The following POLR2K variants were observed in gnomAD, a reference collection of about 807,000 sequenced individuals.
POLR2K encodes DNA-directed RNA polymerases I, II, and III subunit RPABC4.
In POLR2K, 9 loss-of-function variants were observed where a neutral mutation model predicts 10.1. The ratio of observed to expected loss-of-function variants is 0.89; its 90% CI spans 0.54 to 1.56. The LOEUF (loss-of-function observed/expected upper bound fraction) is 1.56, where lower values mean the gene tolerates loss of function less well. Ranked by LOEUF, POLR2K falls within the 40% of genes most tolerant of loss-of-function variation. The pLI is 0.00. For missense variants in POLR2K, 53 were observed against 71.9 expected, an observed-to-expected ratio of 0.74 and a Z score of 0.95; for synonymous variants, 19 against 20.3, an observed-to-expected ratio of 0.94 and a Z score of 0.17.
chr8:100,151,721 ATTTTAGTGTT>A (rs1814922054), intron 2 of POLR2K, 93 bp from the exon 3 acceptor site: 1 of 629,616 alleles, frequency 1.6e-6, no homozygotes, highest in African/African-American at 1.9e-5. Context: ...GATTGAGTAT[ATTTTAGTGTT>A]TTGGATTGCC....
chr8:100,151,929 C>T lies in POLR2K; in HGVS notation c.154+13C>T. On this transcript the variant is annotated intron_variant, in intron 3 of 3. Coordinates refer to ENST00000353107, the MANE Select transcript of POLR2K (RefSeq NM_005034.4). ...AGGACTAAAAGATGTATCCTTTTAACGATGCTTTCTAAATATGAGTTAGGA... is the reference window on the plus strand; with the variant it reads ...AGGACTAAAAGATGTATCCTTTTAATGATGCTTTCTAAATATGAGTTAGGA... The T allele has an allele frequency of 4.4e-6, 5 of 1,136,878 alleles. No homozygotes were observed. Among genetic ancestry groups the T allele is most frequent in the East Asian group, 2.4e-5 (1 of 42,442 alleles). The allele number at this position is 1,136,878 out of a possible 1,614,324, so 70.4% of individuals were successfully genotyped here. A position where few individuals can be genotyped will look rare whatever the true frequency, so the allele number is the denominator to read the frequency against.
At chr8:100,151,677 T>G in intron 2 of POLR2K, 147 bp from the exon 3 acceptor site, 1 of 596,876 alleles carries the variant, frequency 1.7e-6, no homozygotes, top group Non-Finnish European at 3.0e-6. Flanking sequence ...TTCTTTCCTA[T>G]TTAATATATT....
rs371159425 is a variant in POLR2K, at chr8:100,151,818, T to A, written c.62-6T>A. On this transcript the variant is annotated splice_region_variant and splice_polypyrimidine_tract_variant and intron_variant, in intron 2 of 3. Transcript: ENST00000353107. ...GCATTGAGTAAATTTTTTTTTTTAA[T>A]TCTAGAGTGTCACACAGAAAATGAA... 7.1e-7 allele frequency: 1 copy of A among 1,414,082 alleles called. No homozygotes were observed. Among genetic ancestry groups the A allele is most frequent in the South Asian group, 1.2e-5 (1 of 81,344 alleles). 87.6% of individuals were successfully genotyped at this position (1,414,082 alleles called of 1,614,324 possible).
chr8:100,151,247 T>G (rs1586360537), intron 1 of POLR2K, 100 bp from the exon 2 acceptor site: 4 of 818,080 alleles, frequency 4.9e-6, no homozygotes, highest in East Asian at 2.4e-5. Context: ...AGGAACAGAT[T>G]AGGAATTGGA....
chr8:100,150,967 A>G (rs942371075), intron 1 of POLR2K, among the ~76,000 whole-genome samples: 2 of 152,132 alleles, frequency 1.3e-5, no homozygotes, highest in Non-Finnish European at 2.9e-5. Context: ...GAGTTTGGGA[A>G]AATAGAACTT....
In POLR2K at chr8:100,153,421, A is replaced by G; in HGVS notation, c.*105A>G. 1.0e-6 allele frequency: 1 copy of G among 960,046 alleles called. No homozygotes were observed. The highest frequency in any genetic ancestry group is 1.9e-5 in the Admixed American group (1 of 51,838). The allele number at this position is 960,046 out of a possible 1,614,324, so 59.5% of individuals were successfully genotyped here. On this transcript the variant is annotated 3_prime_UTR_variant, in exon 4 of 4. Coordinates refer to ENST00000353107, the MANE Select transcript of POLR2K (RefSeq NM_005034.4). ...ATTTTGCTTACAGTAGTTCCCCCTT[A>G]TCTTCGGGAGATACATTCCAAGGCC...
At chr8:100,150,775 G>A (rs1814906363) in intron 1 of POLR2K, 66 bp downstream of exon 1, 1 of 152,986 alleles carries the variant, frequency 6.5e-6, no homozygotes, top group African/African-American at 2.4e-5. Flanking sequence ...GACACTTGGG[G>A]TAAAAAGGTC....
intron 1 of POLR2K, 129 bp downstream of exon 1, chr8:100,150,838 C>T (rs28680466): frequency 0.07 from 11,042 of 157,642 alleles, 515 homozygotes; most frequent in Non-Finnish European, 0.1. Flanking sequence ...TGCTATCGCT[C>T]TTTTCCCTAT....
chr8:100,151,186 C>T (rs1436723445), intron 1 of POLR2K, 161 bp from the exon 2 acceptor site: 2 of 634,912 alleles, frequency 3.2e-6, no homozygotes, highest in African/African-American at 1.8e-5. Context: ...ACGCTCAATA[C>T]TTGTGTGTAT....
At chr8:100,151,188 TG>T (rs1814912415) in intron 1 of POLR2K, 158 bp from the exon 2 acceptor site, 5 of 637,402 alleles carry the variant, frequency 7.8e-6, no homozygotes, top group Non-Finnish European at 1.4e-5. Context: ...GCTCAATACT[TG>T]TGTGTATGCG....
In POLR2K at chr8:100,152,202, A is replaced by T. The variant is rs572132948; in HGVS notation, c.154+286A>T. On this transcript the variant is annotated intron_variant, in intron 3 of 3. Transcript: ENST00000353107. ...GTCCTTAAGCAATTTCATCATTCCT[A>T]CAGAAACCTAGACCGTATATCCTAC... is the stretch of plus-strand genomic sequence containing the variant. The T allele has an allele frequency of 6.5e-5, 35 of 542,488 alleles. 1 individual carries two copies. In the South Asian group the frequency reaches 7.4e-4, roughly 12 times the overall value. 33.6% of individuals were successfully genotyped at this position (542,488 alleles called of 1,614,324 possible). A position where few individuals can be genotyped will look rare whatever the true frequency, so the allele number is the denominator to read the frequency against.
chr8:100,153,402 C>A lies in POLR2K; in HGVS notation c.*86C>A. 8.2e-7 allele frequency: 1 copy of A among 1,223,242 alleles called. No individual in the cohort carries two copies. Among genetic ancestry groups the A allele is most frequent in the Non-Finnish European group, 1.2e-6 (1 of 833,526 alleles). The allele number at this position is 1,223,242 out of a possible 1,614,324, so 75.8% of individuals were successfully genotyped here. A position where few individuals can be genotyped will look rare whatever the true frequency, so the allele number is the denominator to read the frequency against. ...GATTGTTGTATAGCTTTCGATTTTGCTTACAGTAGTTCCCCCTTATCTTCG... is the reference window on the plus strand; with the variant it reads ...GATTGTTGTATAGCTTTCGATTTTGATTACAGTAGTTCCCCCTTATCTTCG... On this transcript the variant is annotated 3_prime_UTR_variant, in exon 4 of 4. Transcript: ENST00000353107.
rs1436220945 is a variant in POLR2K at position 100,153,413 on chromosome 8, TC to T, written c.*102del. On this transcript the variant is annotated 3_prime_UTR_variant, in exon 4 of 4. Coordinates refer to ENST00000353107, the MANE Select transcript of POLR2K (RefSeq NM_005034.4). ...AGCTTTCGATTTTGCTTACAGTAGTTCCCCCTTATCTTCGGGAGATACATTC... is the reference window on the plus strand; with the variant it reads ...AGCTTTCGATTTTGCTTACAGTAGTTCCCCTTATCTTCGGGAGATACATTC... The T allele has an allele frequency of 4.8e-6, 5 of 1,045,244 alleles. No homozygotes were observed. The highest frequency in any genetic ancestry group is 2.4e-5 in the East Asian group (1 of 41,080). The allele number at this position is 1,045,244 out of a possible 1,614,324, so 64.7% of individuals were successfully genotyped here.
Position 100,151,954 on chromosome 8 carries a change from A to C in POLR2K, c.154+38A>C, listed in dbSNP as rs373842805. 1.5e-3 allele frequency: 1,405 copies of C among 931,286 alleles called. 6 individuals are homozygous for C. Among genetic ancestry groups the C allele is most frequent in the Non-Finnish European group, 2.1e-3 (1,176 of 562,302 alleles). The allele number at this position is 931,286 out of a possible 1,614,324, so 57.7% of individuals were successfully genotyped here. A position where few individuals can be genotyped will look rare whatever the true frequency, so the allele number is the denominator to read the frequency against. Reference sequence around the variant, plus strand: ...CGATGCTTTCTAAATATGAGTTAGGAGGAAATGAATAATGCTGGGGTTGAT... The same window carrying C: ...CGATGCTTTCTAAATATGAGTTAGGCGGAAATGAATAATGCTGGGGTTGAT... On this transcript the variant is annotated intron_variant, in intron 3 of 3. Coordinates refer to ENST00000353107, the MANE Select transcript of POLR2K (RefSeq NM_005034.4).
At chr8:100,151,489 C>T (rs1814918012) in intron 2 of POLR2K, 73 bp downstream of exon 2, 1 of 985,654 alleles carries the variant, frequency 1.0e-6, no homozygotes, top group Non-Finnish European at 1.6e-6. Context: ...TTATTCTTTG[C>T]TTAAATGAGT....
In POLR2K at chr8:100,151,598, A is replaced by G. The variant is rs1481467223; in HGVS notation, c.61+182A>G. 3 of 602,656 alleles carry G rather than the reference A, an allele frequency of 5.0e-6. No individual in the cohort carries two copies. The Admixed American group carries it at 9.0e-5, about 18-fold the overall frequency. 37.3% of individuals were successfully genotyped at this position (602,656 alleles called of 1,614,324 possible). On this transcript the variant is annotated intron_variant, in intron 2 of 3. Transcript: ENST00000353107. ...GTTCGTCCTTGGTCTTCTGTTTACT[A>G]ACAGAAAAAAACAAAGCTCGTTGAG...
intron 2 of POLR2K, 80 bp downstream of exon 2, chr8:100,151,496 G>T (rs1326085220): frequency 3.2e-6 from 3 of 932,160 alleles, no homozygotes; most frequent in Non-Finnish European, 5.3e-6. Context: ...TTGCTTAAAT[G>T]AGTTACTGGT....
Position 100,153,324 on chromosome 8 carries a change from G to A in POLR2K, c.*8G>A. 1 of 1,605,604 alleles carries A rather than the reference G, an allele frequency of 6.2e-7. No homozygotes were observed. Among genetic ancestry groups the A allele is most frequent in the Non-Finnish European group, 8.5e-7 (1 of 1,173,486 alleles). ...GTTTTTGATGCTCGATGAATGCTGGGAATTCAGAGGAATGTCTTCACTTAT... is the reference window on the plus strand; with the variant it reads ...GTTTTTGATGCTCGATGAATGCTGGAAATTCAGAGGAATGTCTTCACTTAT... On this transcript the variant is annotated 3_prime_UTR_variant, in exon 4 of 4. Transcript: ENST00000353107.
chr8:100,153,288 A>AT lies in POLR2K; in HGVS notation c.155-5dup, dbSNP rs757047498. 11 of 1,607,048 alleles carry AT rather than the reference A, an allele frequency of 6.8e-6. No homozygotes were observed. Among genetic ancestry groups the AT allele is most frequent in the Non-Finnish European group, 9.4e-6 (11 of 1,174,666 alleles). On this transcript the variant is annotated splice_region_variant and splice_polypyrimidine_tract_variant and intron_variant, in intron 3 of 3. Coordinates refer to ENST00000353107, the MANE Select transcript of POLR2K (RefSeq NM_005034.4). The stretch of plus-strand genomic sequence containing the variant: ...CCGTTTTTGTCCTTAACTCAAATTA[A>AT]TACAGTGGTCGTTTTTGATGCTCGA...
Sources: gnomAD v4.1 joint callset for allele counts (sites outside exome capture counted in the v4.1 genomes callset) on GRCh38, gnomAD v4.1.1 for gene constraint, MANE v1.5 for transcripts, NCBI Gene and HGNC (gene_info 2026-07-23, HGNC 2026-07-21) for gene names.